The following TENT4B variants were observed in gnomAD, a reference collection of about 807,000 sequenced individuals.
TENT4B encodes the protein terminal nucleotidyltransferase 4B.
A neutral mutation model predicts 75.0 loss-of-function variants in TENT4B; 10 were observed. That is an observed-to-expected ratio of 0.13 (90% confidence interval 0.08 to 0.23). The LOEUF is 0.23. Ranked by LOEUF, TENT4B falls within the 10% of genes least tolerant of loss-of-function variation. The probability of loss-of-function intolerance (pLI) is 1.00; values close to 1 mark genes in which losing one functional copy is unlikely to be tolerated. For missense variants in TENT4B, 579 were observed against 893.8 expected (o/e 0.65, Z 4.49); for synonymous variants, 350 against 357.7 (o/e 0.98, Z 0.24).
At chr16:50,185,357 A>G (rs996645412) in intron 1 of TENT4B, among the ~76,000 whole-genome samples, 1 of 152,178 alleles carries the variant, frequency 6.6e-6, no homozygotes, top group South Asian at 2.1e-4. Context: ...TACAGGACCA[A>G]TTATGGTCAT....
intron 1 of TENT4B, among the ~76,000 whole-genome samples, chr16:50,165,916 C>T (rs2038091079): frequency 6.6e-6 from 1 of 152,046 alleles, no homozygotes. Flanking sequence ...AACGTGTTTT[C>T]ATTTTTCTTG....
At chr16:50,167,503 T>C (rs1489309382) in intron 1 of TENT4B, among the ~76,000 whole-genome samples, 1 of 152,070 alleles carries the variant, frequency 6.6e-6, no homozygotes, top group Non-Finnish European at 1.5e-5. Flanking sequence ...TTTGTTTCAA[T>C]GATGTCTAAT....
At chr16:50,197,374 C>T (rs533519638) in intron 1 of TENT4B, among the ~76,000 whole-genome samples, 16 of 152,274 alleles carry the variant, frequency 1.1e-4, no homozygotes, top group African/African-American at 2.4e-4. Context: ...CTGCAACCTC[C>T]GCCTTCTGGG....
rs747906760 is a variant in TENT4B, at chr16:50,231,613, C to T, written c.*2285C>T. Reference sequence around the variant, plus strand: ...GATTCCATTGGGAATCTTAGGTTTTCGTAAATTTATTGGGAAAATAGTTTT... The same window carrying T: ...GATTCCATTGGGAATCTTAGGTTTTTGTAAATTTATTGGGAAAATAGTTTT... On this transcript the variant is annotated 3_prime_UTR_variant, in exon 12 of 12. Coordinates refer to ENST00000561678, the MANE Select transcript of TENT4B (RefSeq NM_001365324.3). The T allele has an allele frequency of 2.0e-6, 2 of 985,576 alleles. No homozygotes were observed. Among genetic ancestry groups the T allele is most frequent in the Admixed American group, 6.2e-5 (1 of 16,236 alleles). 61.1% of individuals were successfully genotyped at this position (985,576 alleles called of 1,614,324 possible). A position where few individuals can be genotyped will look rare whatever the true frequency, so the allele number is the denominator to read the frequency against.
chr16:50,185,932 A>G (rs908291865), intron 1 of TENT4B, among the ~76,000 whole-genome samples: 3 of 152,200 alleles, frequency 2.0e-5, no homozygotes, highest in Non-Finnish European at 4.4e-5. Flanking sequence ...TAAACATTAC[A>G]TAAATGGTGT....
intron 5 of TENT4B, among the ~76,000 whole-genome samples, chr16:50,221,402 G>A (rs765805892): frequency 1.1e-4 from 17 of 152,262 alleles, no homozygotes; most frequent in South Asian, 4.1e-4. Context: ...ACAGCAAAAG[G>A]TGGACTCATT....
At chr16:50,187,422 A>C (rs1208188307) in intron 1 of TENT4B, among the ~76,000 whole-genome samples, 2 of 151,776 alleles carry the variant, frequency 1.3e-5, no homozygotes, top group Non-Finnish European at 2.9e-5. Flanking sequence ...GTCTCTACTA[A>C]AAATACAAAA....
intron 3 of TENT4B, 72 bp from the exon 4 acceptor site, chr16:50,216,003 A>G (rs532612236): frequency 2.2e-5 from 35 of 1,584,138 alleles, no homozygotes; most frequent in East Asian, 1.8e-4. Flanking sequence ...AATGAAGTCT[A>G]TAAGCATGAG....
At chr16:50,201,973 GAAAA>G (rs879684632) in intron 1 of TENT4B, among the ~76,000 whole-genome samples, 1 of 134,558 alleles carries the variant, frequency 7.4e-6, no homozygotes, top group Non-Finnish European at 1.6e-5. Context: ...CGTCCCTAAA[GAAAA>G]AAAAAAAATA....
In TENT4B at chr16:50,215,724, C is replaced by T. The variant is rs544743184; in HGVS notation, c.810-351C>T. Among the ~76,000 whole-genome samples the T allele has an allele frequency of 2.0e-5, 3 of 152,246 alleles. No individual in the cohort carries two copies. The East Asian group carries it at 5.8e-4, about 29-fold the overall frequency. On this transcript the variant is annotated intron_variant, in intron 3 of 11. Coordinates refer to ENST00000561678, the MANE Select transcript of TENT4B (RefSeq NM_001365324.3). Reference sequence around the variant, plus strand: ...AGCACTTCATAATATTTCTGAGTTGCAATTAATCTCATCCGGATAGGAAAA... The same window carrying T: ...AGCACTTCATAATATTTCTGAGTTGTAATTAATCTCATCCGGATAGGAAAA...
At chr16:50,222,162 A>G in intron 5 of TENT4B, 144 bp from the exon 6 acceptor site, 1 of 736,014 alleles carries the variant, frequency 1.4e-6, no homozygotes, top group Non-Finnish European at 2.1e-6. Context: ...ACTTTTTTTT[A>G]ATAGCTTACT....
Position 50,230,093 on chromosome 16 carries a change from G to T in TENT4B, c.*765G>T, listed in dbSNP as rs1319989468. On this transcript the variant is annotated 3_prime_UTR_variant, in exon 12 of 12. Coordinates refer to ENST00000561678, the MANE Select transcript of TENT4B (RefSeq NM_001365324.3). The stretch of plus-strand genomic sequence containing the variant: ...TTCCTCTCTAAAGAAAAGGTTTATG[G>T]TGGCAAATGATGTTTATTTTATTTT... 25 of 984,014 alleles carry T rather than the reference G, an allele frequency of 2.5e-5. No individual in the cohort carries two copies. Among genetic ancestry groups the T allele is most frequent in the South Asian group, 1.4e-4 (3 of 21,244 alleles). The allele number at this position is 984,014 out of a possible 1,614,324, so 61.0% of individuals were successfully genotyped here.
chr16:50,177,917 C>T (rs1224852337), intron 1 of TENT4B, among the ~76,000 whole-genome samples: 6 of 152,018 alleles, frequency 3.9e-5, no homozygotes, highest in Non-Finnish European at 8.8e-5. Flanking sequence ...ATTTTGATGT[C>T]ATATTTTCAT....
At chr16:50,157,766 A>G (rs1453807587) in intron 1 of TENT4B, among the ~76,000 whole-genome samples, 1 of 143,332 alleles carries the variant, frequency 7.0e-6, no homozygotes. Context: ...GCCTAAATTT[A>G]TTTTTTTAAT....
At chr16:50,159,768 G>C (rs1238967631) in intron 1 of TENT4B, among the ~76,000 whole-genome samples, 1 of 152,144 alleles carries the variant, frequency 6.6e-6, no homozygotes, top group Admixed American at 6.5e-5. Flanking sequence ...GTACTGACAT[G>C]CGCTTTTAAG....
intron 1 of TENT4B, among the ~76,000 whole-genome samples, chr16:50,174,919 T>A (rs920477340): frequency 6.6e-6 from 1 of 151,964 alleles, no homozygotes; most frequent in Non-Finnish European, 1.5e-5. Context: ...ATTTTTATAT[T>A]TTTAGTAGAG....
chr16:50,232,412 T>G lies in TENT4B; in HGVS notation c.*3084T>G, dbSNP rs377145685. The G allele has an allele frequency of 5.3e-4, 521 of 985,404 alleles. 8 individuals are homozygous for G. In the South Asian group the frequency reaches 0.022, roughly 42 times the overall value. 61.0% of individuals were successfully genotyped at this position (985,404 alleles called of 1,614,324 possible). On this transcript the variant is annotated 3_prime_UTR_variant, in exon 12 of 12. Coordinates refer to ENST00000561678, the MANE Select transcript of TENT4B (RefSeq NM_001365324.3). ...CCTCATTAATATTTAGGTTATTTGA[T>G]TTGGCTCCAGATATTCCTAGATCTG...
At chr16:50,168,890 T>C (rs6500296) in intron 1 of TENT4B, among the ~76,000 whole-genome samples, 152,197 of 152,204 alleles carry the variant, frequency 1, 76,095 homozygotes, top group Non-Finnish European at 1. Flanking sequence ...AGGTGGTCCG[T>C]CCACTTCGGC....
intron 7 of TENT4B, 78 bp downstream of exon 7, chr16:50,223,465 T>C (rs1228710234): frequency 3.1e-6 from 3 of 959,666 alleles, no homozygotes; most frequent in Non-Finnish European, 4.5e-6. Context: ...AAATTCTCTT[T>C]AGATGAAAAA....
Sources: gnomAD v4.1 joint callset for allele counts (sites outside exome capture counted in the v4.1 genomes callset) on GRCh38, gnomAD v4.1.1 for gene constraint, MANE v1.5 for transcripts, NCBI Gene and HGNC (gene_info 2026-07-23, HGNC 2026-07-21) for gene names.